EPB41L3: variants seen among roughly 807,000 people sequenced by gnomAD.
EPB41L3 encodes erythrocyte membrane protein band 4.1 like 3.
In EPB41L3, 57 loss-of-function variants were observed where a neutral mutation model predicts 127.1. That is an observed-to-expected ratio of 0.45 (90% CI 0.36 to 0.56). EPB41L3 has a LOEUF of 0.56. Among genes scored for constraint, EPB41L3 ranks in the 20% least tolerant of loss-of-function variants. The pLI, the probability that EPB41L3 is intolerant of heterozygous loss-of-function variation, is 0.00. For synonymous variants in EPB41L3, 572 were observed against 549.5 expected (o/e 1.04, Z -0.57); for missense variants, 1,273 against 1,372.2 (o/e 0.93, Z 1.14).
intron 3 of EPB41L3, among the ~76,000 whole-genome samples, chr18:5,445,751 C>T (rs1369338689): frequency 1.3e-5 from 2 of 152,162 alleles, no homozygotes; most frequent in African/African-American, 2.4e-5. Context: ...GGGTGGCAGG[C>T]GAGCAAGCAT....
At chr18:5,568,427 T>A (rs1195400650) in intron 3 of EPB41L3, among the ~76,000 whole-genome samples, 69 of 109,250 alleles carry the variant, frequency 6.3e-4, no homozygotes, top group South Asian at 1.0e-3. Flanking sequence ...CTCTGGATAG[T>A]AAAAAAAAAA....
chr18:5,609,333 T>A (rs1162440444), intron 3 of EPB41L3, among the ~76,000 whole-genome samples: 1 of 152,196 alleles, frequency 6.6e-6, no homozygotes, highest in African/African-American at 2.4e-5. Context: ...TTACCTAGAC[T>A]CTTTCTTACC....
intron 3 of EPB41L3, among the ~76,000 whole-genome samples, chr18:5,553,996 C>T (rs964709803): frequency 6.6e-6 from 1 of 152,244 alleles, no homozygotes; most frequent in Non-Finnish European, 1.5e-5. Context: ...CAGGTGCACT[C>T]TCACCGTCAG....
intron 1 of EPB41L3, among the ~76,000 whole-genome samples, chr18:5,520,986 T>C (rs1369965785): frequency 6.6e-6 from 1 of 152,108 alleles, no homozygotes; most frequent in Non-Finnish European, 1.5e-5. Flanking sequence ...CACACACCAC[T>C]CCTTAGGCAG....
rs1568654380 is a variant in EPB41L3, at chr18:5,617,317, A to ATTT, written c.-467-2895_-467-2894insAAA. ...TTGAGTTACAAGTCATTCTATTATT[A>ATTT]TTATTTTTTTTTTTTTTTTGAGACG... On this transcript the variant is annotated intron_variant, in intron 1 of 21. Coordinates refer to the EPB41L3 transcript ENST00000545076. Among the ~76,000 whole-genome samples, 2 of 125,046 alleles carry ATTT rather than the reference A, an allele frequency of 1.6e-5. 1 individual carries two copies. The allele number at this position is 125,046 out of a possible 152,430, so 82.0% of individuals were successfully genotyped here. A position where few individuals can be genotyped will look rare whatever the true frequency, so the allele number is the denominator to read the frequency against.
In EPB41L3 at chr18:5,577,453, C is replaced by T. The variant is rs1159810111; in HGVS notation, c.-306+34887G>A. 4.9e-5 allele frequency: 19 copies of T among 387,340 alleles called. No individual in the cohort carries two copies. In the Admixed American group the frequency reaches 6.8e-4, roughly 14 times the overall value. 24.0% of individuals were successfully genotyped at this position (387,340 alleles called of 1,614,324 possible). On this transcript the variant is annotated intron_variant, in intron 3 of 21. Transcript: ENST00000545076. ...CGGCTTCTATTCCTCCAGGAATATT[C>T]TCTGTGAAACACAGAAAGATCCCGG...
At chr18:5,542,144 G>A (rs988627404) in intron 1 of EPB41L3, among the ~76,000 whole-genome samples, 2 of 152,176 alleles carry the variant, frequency 1.3e-5, no homozygotes, top group African/African-American at 2.4e-5. Context: ...AAATTAACAT[G>A]CATTTTTTAA....
chr18:5,552,990 A>G (rs1029738127), intron 3 of EPB41L3, among the ~76,000 whole-genome samples: 1 of 152,246 alleles, frequency 6.6e-6, no homozygotes, highest in Non-Finnish European at 1.5e-5. Flanking sequence ...CTTTCAGAGC[A>G]GTAACTTTAG....
rs567820675 is a variant in EPB41L3 at position 5,578,296 on chromosome 18, A to C, written c.-306+34044T>G. ...AAAAAAGATCTCAAAATGATCAAGA[A>C]ATTGTTACTGTTAGTGATTATAACT... On this transcript the variant is annotated intron_variant, in intron 3 of 21. Coordinates refer to the EPB41L3 transcript ENST00000545076. Among the ~76,000 whole-genome samples, 305 of 152,314 alleles carry C rather than the reference A, an allele frequency of 2.0e-3. 2 individuals carry two copies. The highest frequency in any genetic ancestry group is 3.4e-3 in the Non-Finnish European group (228 of 68,026).
At chr18:5,456,163 T>G (rs1270640719) in intron 3 of EPB41L3, among the ~76,000 whole-genome samples, 1 of 152,124 alleles carries the variant, frequency 6.6e-6, no homozygotes, top group African/African-American at 2.4e-5. Context: ...ATTTAATGAG[T>G]ATGAATTTGT....
At chr18:5,604,692 G>C (rs1307413454) in intron 3 of EPB41L3, among the ~76,000 whole-genome samples, 4 of 152,094 alleles carry the variant, frequency 2.6e-5, no homozygotes, top group African/African-American at 4.8e-5. Context: ...GGCCTCAAGT[G>C]ATCTGCCCAC....
chr18:5,478,776 G>A (rs1005078667), intron 2 of EPB41L3, among the ~76,000 whole-genome samples: 11 of 152,092 alleles, frequency 7.2e-5, no homozygotes, highest in Non-Finnish European at 1.2e-4. Flanking sequence ...AAAATATACT[G>A]TTTAGATTTC....
chr18:5,499,599 C>CA (rs956262504), intron 1 of EPB41L3, among the ~76,000 whole-genome samples: 8 of 150,730 alleles, frequency 5.3e-5, no homozygotes, highest in African/African-American at 1.2e-4. Context: ...GTATCTCTAC[C>CA]AAAAAAAATA....
chr18:5,467,218 C>G (rs1045162610), intron 3 of EPB41L3, among the ~76,000 whole-genome samples: 3 of 152,212 alleles, frequency 2.0e-5, no homozygotes, highest in African/African-American at 7.2e-5. Context: ...TTATATCTTT[C>G]CAGCTATTTT....
At chr18:5,410,745 C>T (rs938712695) in intron 13 of EPB41L3, 126 bp from the exon 14 acceptor site, 8 of 699,032 alleles carry the variant, frequency 1.1e-5, no homozygotes, top group African/African-American at 8.7e-5. Context: ...CTCTGTGTCA[C>T]ACTACCTTCT....
intron 3 of EPB41L3, among the ~76,000 whole-genome samples, chr18:5,553,748 TG>T (rs1361432200): frequency 6.6e-6 from 1 of 152,230 alleles, no homozygotes; most frequent in African/African-American, 2.4e-5. Context: ...TCTGGGTTCC[TG>T]CAACACCTCA....
intron 1 of EPB41L3, among the ~76,000 whole-genome samples, chr18:5,508,516 C>T (rs1459869421): frequency 1.3e-5 from 2 of 151,856 alleles, no homozygotes; most frequent in Admixed American, 6.6e-5. Flanking sequence ...GCCTGTAATT[C>T]CAGTGCTTTG....
chr18:5,570,154 T>C (rs1054820763), intron 3 of EPB41L3: 1 of 152,128 alleles, frequency 6.6e-6, no homozygotes, highest in Non-Finnish European at 1.5e-5. Context: ...CTGTCAGCGA[T>C]CACATCTTTA....
intron 13 of EPB41L3, 74 bp downstream of exon 13, chr18:5,415,744 G>T: frequency 7.0e-7 from 1 of 1,426,798 alleles, no homozygotes; most frequent in Non-Finnish European, 9.5e-7. Flanking sequence ...CACTATGGCA[G>T]CAGCCAGCTA....
Sources: gnomAD v4.1 joint callset for allele counts (sites outside exome capture counted in the v4.1 genomes callset) on GRCh38, gnomAD v4.1.1 for gene constraint, MANE v1.5 for transcripts, NCBI Gene and HGNC (gene_info 2026-07-23, HGNC 2026-07-21) for gene names.